The following KCTD8 variants were observed in gnomAD, a reference collection of about 807,000 sequenced individuals.
KCTD8 encodes the protein potassium channel tetramerization domain containing 8.
A neutral mutation model predicts 31.5 loss-of-function variants in KCTD8; 27 were observed. The ratio of observed to expected loss-of-function variants is 0.86; its 90% CI spans 0.63 to 1.18. KCTD8 has a LOEUF of 1.18. Among genes scored for constraint, KCTD8 ranks in the 50% most tolerant of loss-of-function variants. The pLI is 0.00. For missense variants in KCTD8, 658 were observed against 647.7 expected (o/e 1.02, Z -0.17); for synonymous variants, 290 against 280.0 (o/e 1.04, Z -0.36).
At chr4:44,356,486 T>C (rs1719345152) in intron 1 of KCTD8, among the ~76,000 whole-genome samples, 1 of 152,192 alleles carries the variant, frequency 6.6e-6, no homozygotes, top group Non-Finnish European at 1.5e-5. Flanking sequence ...GATAGTTTCT[T>C]TTCATGAGCC....
chr4:44,329,512 TA>T (rs1157416838), intron 1 of KCTD8, among the ~76,000 whole-genome samples: 1 of 151,954 alleles, frequency 6.6e-6, no homozygotes, highest in Non-Finnish European at 1.5e-5. Context: ...AGATAAATTG[TA>T]AAAAATAAAG....
chr4:44,269,333 C>T (rs1716499250), intron 1 of KCTD8, among the ~76,000 whole-genome samples: 1 of 151,970 alleles, frequency 6.6e-6, no homozygotes, highest in African/African-American at 2.4e-5. Context: ...AACTGGCTAG[C>T]CATACGTAGA....
At chr4:44,181,855 G>C (rs1342829884) in intron 1 of KCTD8, among the ~76,000 whole-genome samples, 2 of 151,656 alleles carry the variant, frequency 1.3e-5, no homozygotes, top group Non-Finnish European at 2.9e-5. Flanking sequence ...GCCTCTGCCC[G>C]GCCGCGACCC....
At chr4:44,247,316 T>A (rs762784083) in intron 1 of KCTD8, among the ~76,000 whole-genome samples, 30 of 152,000 alleles carry the variant, frequency 2.0e-4, no homozygotes, top group Non-Finnish European at 3.5e-4. Context: ...CCCCATGCAA[T>A]TAATCACTCC....
intron 1 of KCTD8, among the ~76,000 whole-genome samples, chr4:44,409,773 G>A (rs895504950): frequency 1.8e-5 from 2 of 112,118 alleles, no homozygotes; most frequent in African/African-American, 3.3e-5. Flanking sequence ...TCATCTTCAG[G>A]TTTCCAGTTT....
At chr4:44,314,478 T>A (rs906326605) in intron 1 of KCTD8, among the ~76,000 whole-genome samples, 3 of 152,142 alleles carry the variant, frequency 2.0e-5, no homozygotes, top group African/African-American at 7.2e-5. Flanking sequence ...GATATTTTAT[T>A]TCCCTAATTA....
At chr4:44,255,647 C>T (rs956320976) in intron 1 of KCTD8, among the ~76,000 whole-genome samples, 1 of 151,704 alleles carries the variant, frequency 6.6e-6, no homozygotes, top group African/African-American at 2.4e-5. Context: ...GTCTTTTGAT[C>T]TAGAATTTTT....
intron 1 of KCTD8, among the ~76,000 whole-genome samples, chr4:44,267,101 GCACCA>G (rs1010035315): frequency 8.6e-5 from 13 of 151,944 alleles, no homozygotes; most frequent in African/African-American, 3.1e-4. Flanking sequence ...ATTTTTTTCA[GCACCA>G]CACCACACCT....
chr4:44,223,549 T>C (rs545974143), intron 1 of KCTD8, among the ~76,000 whole-genome samples: 1 of 152,324 alleles, frequency 6.6e-6, no homozygotes, highest in South Asian at 2.1e-4. Context: ...TAAAGAAATA[T>C]TTCATTGAAT....
intron 1 of KCTD8, among the ~76,000 whole-genome samples, chr4:44,322,379 G>A (rs2109406816): frequency 6.6e-6 from 1 of 151,906 alleles, no homozygotes; most frequent in East Asian, 1.9e-4. Context: ...TACACTATTG[G>A]CCATTTGTAT....
At chr4:44,222,880 G>C (rs145155095) in intron 1 of KCTD8, among the ~76,000 whole-genome samples, 6 of 152,308 alleles carry the variant, frequency 3.9e-5, no homozygotes, top group Non-Finnish European at 5.9e-5. Flanking sequence ...GGTTAGTATT[G>C]GATAAGGTAA....
intron 1 of KCTD8, among the ~76,000 whole-genome samples, chr4:44,424,772 T>C (rs927554520): frequency 5.9e-5 from 9 of 152,154 alleles, no homozygotes; most frequent in Middle Eastern, 3.4e-3. Context: ...ATTTAATCAA[T>C]AGAAAATATC....
chr4:44,216,847 C>T (rs1024935762), intron 1 of KCTD8, among the ~76,000 whole-genome samples: 5 of 152,196 alleles, frequency 3.3e-5, no homozygotes, highest in African/African-American at 1.2e-4. Flanking sequence ...ATGAGACAGA[C>T]GGCATATTAA....
At chr4:44,421,628 C>T (rs547754411) in intron 1 of KCTD8, among the ~76,000 whole-genome samples, 9 of 152,030 alleles carry the variant, frequency 5.9e-5, no homozygotes, top group South Asian at 4.2e-4. Flanking sequence ...AATAAATTAC[C>T]GAATATTAGG....
chr4:44,322,695 T>C (rs1303877329), intron 1 of KCTD8, among the ~76,000 whole-genome samples: 1 of 152,102 alleles, frequency 6.6e-6, no homozygotes, highest in East Asian at 1.9e-4. Context: ...CCTCAATATT[T>C]TATTCTAGTA....
At chr4:44,379,581 C>T (rs1333337354) in intron 1 of KCTD8, among the ~76,000 whole-genome samples, 1 of 152,028 alleles carries the variant, frequency 6.6e-6, no homozygotes, top group Non-Finnish European at 1.5e-5. Flanking sequence ...GTTAAGCACA[C>T]ATGCACATAT....
chr4:44,326,337 T>G (rs1718443187), intron 1 of KCTD8, among the ~76,000 whole-genome samples: 1 of 151,894 alleles, frequency 6.6e-6, no homozygotes, highest in African/African-American at 2.4e-5. Context: ...GTCTGCATTT[T>G]TTTGCATTAA....
At chr4:44,193,496 C>T (rs1361280240) in intron 1 of KCTD8, among the ~76,000 whole-genome samples, 1 of 152,096 alleles carries the variant, frequency 6.6e-6, no homozygotes, top group African/African-American at 2.4e-5. Context: ...GATATAATTA[C>T]TCATAATTTC....
chr4:44,335,910 G>A (rs920946911), intron 1 of KCTD8, among the ~76,000 whole-genome samples: 5 of 151,856 alleles, frequency 3.3e-5, no homozygotes, highest in Non-Finnish European at 7.4e-5. Context: ...CAGCACTTTG[G>A]GAGGCCGAGG....
Sources: allele counts gnomAD v4.1 joint callset (sites outside exome capture counted in the v4.1 genomes callset), GRCh38; gene constraint gnomAD v4.1.1; transcripts MANE v1.5; gene names NCBI Gene and HGNC (gene_info 2026-07-23, HGNC 2026-07-21).